BLM: variants seen among roughly 807,000 people sequenced by gnomAD.
BLM encodes the protein recQ-like DNA helicase BLM.
Under a neutral mutation model 135.3 loss-of-function variants are expected in BLM, and 95 were observed. The observed-to-expected ratio is 0.70, with a 90% CI of 0.59 to 0.83. The LOEUF is 0.83. Ranked by LOEUF, BLM falls within the 40% of genes least tolerant of loss-of-function variation. The pLI is 0.00. For missense variants in BLM, 1,518 were observed against 1,663.9 expected (o/e 0.91, Z 1.53); for synonymous variants, 520 against 589.2 (o/e 0.88, Z 1.70).
Position 90,811,896 on chromosome 15 carries a change from G to C in BLM, c.4076+490G>C, listed in dbSNP as rs369329642. Among the ~76,000 whole-genome samples the C allele has an allele frequency of 1.9e-4, 29 of 152,266 alleles. No individual in the cohort carries two copies. The East Asian group carries it at 4.4e-3, about 23-fold the overall frequency. On this transcript the variant is annotated intron_variant, in intron 21 of 21. Coordinates refer to ENST00000355112, the MANE Select transcript of BLM (RefSeq NM_000057.4). ...TGGTCTCAAACTCCTGAGCTCAAGT[G>C]ATCAGCCCACTTTGGTCTCCCCAAA...
rs567668371 is a variant in BLM at position 90,756,794 on chromosome 15, C to G, written c.1087+1856C>G. 1.8e-4 allele frequency among the ~76,000 whole-genome samples: 27 copies of G among 152,280 alleles called. No homozygotes were observed. The East Asian group carries it at 5.0e-3, about 28-fold the overall frequency. ...ACTCCAAAAAGTTAGAGGTGTGAGGCAGCAAGAAGGAATGGGTGGGACATT... is the reference window on the plus strand; with the variant it reads ...ACTCCAAAAAGTTAGAGGTGTGAGGGAGCAAGAAGGAATGGGTGGGACATT... On this transcript the variant is annotated intron_variant, in intron 5 of 21. Coordinates refer to ENST00000355112, the MANE Select transcript of BLM (RefSeq NM_000057.4).
At chr15:90,783,502 A>G (rs1273551127) in intron 13 of BLM, among the ~76,000 whole-genome samples, 1 of 152,124 alleles carries the variant, frequency 6.6e-6, no homozygotes, top group Non-Finnish European at 1.5e-5. Context: ...GTATATCTAG[A>G]CCTTTGGCTC....
intron 12 of BLM, among the ~76,000 whole-genome samples, chr15:90,772,149 T>A (rs1010382600): frequency 6.6e-6 from 1 of 152,236 alleles, no homozygotes; most frequent in African/African-American, 2.4e-5. Context: ...TGTTTCCTGA[T>A]CTTTTCTGCC....
At chr15:90,775,410 G>A (rs1355690078) in intron 12 of BLM, among the ~76,000 whole-genome samples, 1 of 151,040 alleles carries the variant, frequency 6.6e-6, no homozygotes, top group Admixed American at 6.6e-5. Flanking sequence ...AAAAATCCTG[G>A]AAAACTATGT....
intron 17 of BLM, among the ~76,000 whole-genome samples, chr15:90,802,189 A>G (rs775729863): frequency 2.3e-4 from 35 of 152,256 alleles, no homozygotes; most frequent in Non-Finnish European, 4.3e-4. Context: ...GATACAAATT[A>G]CTTAAAGAAA....
chr15:90,747,557 T>G (rs1895538557), intron 2 of BLM, 67 bp downstream of exon 2: 5 of 1,004,838 alleles, frequency 5.0e-6, no homozygotes, highest in Non-Finnish European at 7.7e-6. Context: ...ATGAGATATC[T>G]TCTCTTTAAA....
intron 12 of BLM, among the ~76,000 whole-genome samples, chr15:90,778,502 C>G (rs1055381403): frequency 6.6e-6 from 1 of 152,284 alleles, no homozygotes. Flanking sequence ...ACACCCATGC[C>G]CATTGCAGTT....
At position 90,750,024 on chromosome 15, in the gene BLM, T is replaced by G. The variant is rs1895638603; in HGVS notation, c.756T>G (p.Ala252=). Residue 252 remains alanine (A), a synonymous_variant, in exon 3 of 22, where the codon GCT becomes GCG. Coordinates refer to ENST00000355112, the MANE Select transcript of BLM (RefSeq NM_000057.4). ...CTGAAGTGCATATAAATGAAGATGC[T>G]CAGGAAAGTGACTCTCTGAAAACTC... is the stretch of plus-strand genomic sequence containing the variant. ...PIAEVHINED[A]QESDSLKTHL... 1 of 1,614,062 alleles carries G rather than the reference T, an allele frequency of 6.2e-7. No homozygotes were observed. Among genetic ancestry groups the G allele is most frequent in the African/African-American group, 1.3e-5 (1 of 74,922 alleles).
At chr15:90,792,631 G>T (rs1454141165) in intron 15 of BLM, among the ~76,000 whole-genome samples, 1 of 152,128 alleles carries the variant, frequency 6.6e-6, no homozygotes, top group Non-Finnish European at 1.5e-5. Flanking sequence ...TGTAGTAGTA[G>T]TATAACAATG....
chr15:90,801,007 G>A (rs915602489), intron 17 of BLM, among the ~76,000 whole-genome samples: 2 of 151,912 alleles, frequency 1.3e-5, no homozygotes, highest in Admixed American at 6.6e-5. Context: ...AAATTAGCCG[G>A]GACTGATGTT....
chr15:90,721,073 A>T (rs1196690784), intron 1 of BLM, among the ~76,000 whole-genome samples: 1 of 152,156 alleles, frequency 6.6e-6, no homozygotes, highest in Non-Finnish European at 1.5e-5. Flanking sequence ...TATTTTAGTG[A>T]ATCAGTCTTT....
chr15:90,746,572 C>T (rs984137966), intron 1 of BLM, among the ~76,000 whole-genome samples: 4 of 152,120 alleles, frequency 2.6e-5, no homozygotes, highest in African/African-American at 9.7e-5. Flanking sequence ...TTATGCGAAA[C>T]TTCATATTTC....
chr15:90,734,696 CAGAGAGAGAGAGAGAGAGAG>C (rs60051515), intron 1 of BLM, among the ~76,000 whole-genome samples: 58 of 146,208 alleles, frequency 4.0e-4, no homozygotes, highest in Middle Eastern at 3.5e-3. Flanking sequence ...CACACACACG[CAGAGAGAGAGAGAGAGAGAG>C]AGAGAGAGAG....
At chr15:90,770,915 A>G (rs1225847881) in intron 12 of BLM, among the ~76,000 whole-genome samples, 1 of 152,230 alleles carries the variant, frequency 6.6e-6, no homozygotes, top group African/African-American at 2.4e-5. Flanking sequence ...AAATTATCTG[A>G]TCTAAATCAA....
Position 90,765,414 on chromosome 15 carries a change from T to C in BLM, c.2193T>C (p.Asp731=), listed in dbSNP as rs756354696. 1 of 1,584,818 alleles carries C rather than the reference T, an allele frequency of 6.3e-7. No individual in the cohort carries two copies. ...VDQVQKLTSL[D]IPATYLTGDK... ...AAGTCCAAAAGCTGACTTCCTTGGATGTAAGTTATAAAAATACTAATAAAA... is the reference window on the plus strand; with the variant it reads ...AAGTCCAAAAGCTGACTTCCTTGGACGTAAGTTATAAAAATACTAATAAAA... Residue 731 remains aspartate (D), a splice_region_variant and synonymous_variant, in exon 9 of 22, where the codon GAT becomes GAC. Transcript: ENST00000355112.
intron 12 of BLM, among the ~76,000 whole-genome samples, chr15:90,781,557 T>C (rs947700157): frequency 6.6e-6 from 1 of 151,970 alleles, no homozygotes; most frequent in African/African-American, 2.4e-5. Flanking sequence ...ACCCAGGAGG[T>C]AGAGGTTGCA....
rs79871543 is a variant in BLM at position 90,761,158 on chromosome 15, A to T, written c.1785A>T (p.Ser595=). The T allele has an allele frequency of 4.8e-5, 73 of 1,530,614 alleles. No individual in the cohort carries two copies. The East Asian group carries it at 1.6e-3, about 34-fold the overall frequency. The allele number at this position is 1,530,614 out of a possible 1,614,324, so 94.8% of individuals were successfully genotyped here. The change falls in exon 7 of 22, where the codon TCA becomes TCT. Residue 595 remains serine, a synonymous_variant. Transcript: ENST00000355112. The part of the protein sequence containing the change: ...QPIKEGRPIK[S]VSERLSSAKT... ...TCAAGGAAGGTCGGCCAATTAAATCAGTATCAGAAAGACTTTCCTCAGCCA... is the reference window on the plus strand; with the variant it reads ...TCAAGGAAGGTCGGCCAATTAAATCTGTATCAGAAAGACTTTCCTCAGCCA...
In BLM at chr15:90,749,230, C is replaced by T. The variant is rs550747774; in HGVS notation, c.99-137C>T. The stretch of plus-strand genomic sequence containing the variant: ...TTAAGTTACCTGATAAATTTAAAAT[C>T]GAGAGAGATGGATTCTTTGCTCAGT... On this transcript the variant is annotated intron_variant, in intron 2 of 21. Transcript: ENST00000355112. The T allele has an allele frequency of 1.1e-4, 69 of 646,230 alleles. No individual in the cohort carries two copies. The African/African-American group carries it at 1.2e-3, about 11-fold the overall frequency. 40.0% of individuals were successfully genotyped at this position (646,230 alleles called of 1,614,324 possible).
intron 18 of BLM, 133 bp from the exon 19 acceptor site, chr15:90,804,034 T>C: frequency 1.2e-6 from 1 of 835,928 alleles, no homozygotes. Flanking sequence ...CAGCCCCTGT[T>C]CCCAGTGGGC....
Sources: allele counts gnomAD v4.1 joint callset (sites outside exome capture counted in the v4.1 genomes callset), GRCh38; gene constraint gnomAD v4.1.1; transcripts MANE v1.5; gene names NCBI Gene and HGNC (gene_info 2026-07-23, HGNC 2026-07-21).